Variants in SPATA13 observed in about 807,000 individuals in gnomAD.
SPATA13 encodes the protein spermatogenesis associated 13.
In SPATA13, 50 loss-of-function variants were observed where a neutral mutation model predicts 104.0. The ratio of observed to expected loss-of-function variants is 0.48; its 90% confidence interval spans 0.38 to 0.61. SPATA13 has a LOEUF of 0.61. SPATA13 is among the 20% of genes least tolerant of loss of function. SPATA13 has a pLI of 0.00. For synonymous variants in SPATA13, 606 were observed against 667.5 expected, an observed-to-expected ratio of 0.91 and a Z score of 1.42; for missense variants, 1,524 against 1,690.6, an observed-to-expected ratio of 0.90 and a Z score of 1.73.
chr13:23,987,835 C>G (rs1176706225), intron 2 of SPATA13, among the ~76,000 whole-genome samples: 1 of 152,178 alleles, frequency 6.6e-6, no homozygotes, highest in East Asian at 1.9e-4. Context: ...CTCTAGGTAC[C>G]TCTTACAAGC....
intron 3 of SPATA13, among the ~76,000 whole-genome samples, chr13:24,025,931 A>G (rs1302784907): frequency 1.3e-5 from 2 of 151,896 alleles, no homozygotes; most frequent in African/African-American, 4.8e-5. Flanking sequence ...CAGCCTCCTG[A>G]GTAGCTGGGA....
At chr13:24,019,326 G>A (rs1876869833) in intron 3 of SPATA13, among the ~76,000 whole-genome samples, 1 of 151,954 alleles carries the variant, frequency 6.6e-6, no homozygotes, top group African/African-American at 2.4e-5. Flanking sequence ...CTGACCTCGT[G>A]ATCCGCCCGC....
At position 24,140,729 on chromosome 13, in the gene SPATA13, T is replaced by G. The variant is rs1033851; in HGVS notation, c.-111-82090T>G. Among the ~76,000 whole-genome samples the G allele has an allele frequency of 5.9e-5, 9 of 152,154 alleles. No individual in the cohort carries two copies. The East Asian group carries it at 1.4e-3, about 23-fold the overall frequency. On this transcript the variant is annotated intron_variant, in intron 3 of 14. Coordinates refer to the SPATA13 transcript ENST00000424834. ...GTCAAAGAGCCAAGAATGTTAGTAT[T>G]ATATAATGAAGTGAACCCATGAATT...
intron 1 of SPATA13, among the ~76,000 whole-genome samples, chr13:24,208,149 A>C (rs1205268392): frequency 6.6e-6 from 1 of 152,156 alleles, no homozygotes; most frequent in African/African-American, 2.4e-5. Context: ...GGCTGGAGGA[A>C]GGTAATTAGT....
At chr13:24,291,740 A>ATT (rs111558434) in intron 9 of SPATA13, among the ~76,000 whole-genome samples, 108,098 of 138,802 alleles carry the variant, frequency 0.78, 40,219 homozygotes, top group East Asian at 0.91. Flanking sequence ...CTCTGTCTTT[A>ATT]TTTTTTTATT....
intron 4 of SPATA13, among the ~76,000 whole-genome samples, chr13:24,255,510 C>T (rs1258685174): frequency 6.6e-6 from 1 of 152,128 alleles, no homozygotes; most frequent in East Asian, 1.9e-4. Context: ...ATTCAGATGA[C>T]CAAGCTGGCC....
chr13:24,197,505 A>G (rs1870130511), intron 1 of SPATA13, among the ~76,000 whole-genome samples: 3 of 152,220 alleles, frequency 2.0e-5, no homozygotes, highest in Admixed American at 6.5e-5. Flanking sequence ...GCTAAATTAG[A>G]CAACACTGGT....
In SPATA13 at chr13:24,297,440, CCAG is replaced by C. The variant is rs764215286; in HGVS notation, c.3293_3295del (p.Gln1098del). The C allele has an allele frequency of 9.9e-6, 16 of 1,614,054 alleles. No individual in the cohort carries two copies. The highest frequency in any genetic ancestry group is 1.4e-5 in the Non-Finnish European group (16 of 1,180,044). ...CCAAAATCACTAAGCAAGGCAAAAGCCAGCAGCGGACGTTCTTCCTGTTTGACC... is the reference window on the plus strand; with the variant it reads ...CCAAAATCACTAAGCAAGGCAAAAGCCAGCGGACGTTCTTCCTGTTTGACC... On this transcript the variant is annotated inframe_deletion, in exon 11 of 13. Transcript: ENST00000382108.
At chr13:24,024,510 G>A (rs559566817) in intron 3 of SPATA13, among the ~76,000 whole-genome samples, 11 of 152,162 alleles carry the variant, frequency 7.2e-5, no homozygotes, top group African/African-American at 2.2e-4. Context: ...TATCTGGAGT[G>A]TTAGAAACCC....
chr13:24,057,339 G>A (rs1423069377), intron 3 of SPATA13, among the ~76,000 whole-genome samples: 2 of 151,536 alleles, frequency 1.3e-5, no homozygotes, highest in Admixed American at 1.3e-4. Flanking sequence ...TGCAGCTGTC[G>A]GTCCTCTTGA....
chr13:24,219,184 C>G (rs940666645), intron 1 of SPATA13, among the ~76,000 whole-genome samples: 1 of 152,214 alleles, frequency 6.6e-6, no homozygotes, highest in African/African-American at 2.4e-5. Flanking sequence ...AATTGCAACC[C>G]TTGGTTAGTT....
At chr13:24,050,197 G>A (rs1368550414) in intron 3 of SPATA13, among the ~76,000 whole-genome samples, 1 of 152,180 alleles carries the variant, frequency 6.6e-6, no homozygotes, top group Admixed American at 6.5e-5. Context: ...ACCATCTGGG[G>A]AAGTCACAGT....
chr13:24,131,520 G>T (rs763303668), intron 3 of SPATA13, among the ~76,000 whole-genome samples: 2 of 152,158 alleles, frequency 1.3e-5, no homozygotes, highest in Non-Finnish European at 2.9e-5. Context: ...AGGATTTTGT[G>T]CTACTTCCAG....
At chr13:24,020,508 G>A (rs1247187981) in intron 3 of SPATA13, among the ~76,000 whole-genome samples, 3 of 152,206 alleles carry the variant, frequency 2.0e-5, no homozygotes, top group South Asian at 2.1e-4. Flanking sequence ...CTCAGAGGCC[G>A]TGAGAGGGAG....
intron 4 of SPATA13, among the ~76,000 whole-genome samples, chr13:24,252,140 G>A (rs73465846): frequency 0.011 from 1,324 of 115,606 alleles, 25 homozygotes; most frequent in African/African-American, 0.042. Flanking sequence ...CTAAAGAACC[G>A]AGACCCAGGC....
intron 3 of SPATA13, among the ~76,000 whole-genome samples, chr13:24,107,002 A>G (rs1240478758): frequency 6.6e-6 from 1 of 151,986 alleles, no homozygotes; most frequent in Non-Finnish European, 1.5e-5. Flanking sequence ...TCTGAAAACT[A>G]TATTTCTGGG....
chr13:24,161,860 C>T lies in SPATA13; in HGVS notation c.-112+928C>T, dbSNP rs1487790688. Among the ~76,000 whole-genome samples the T allele has an allele frequency of 1.3e-5, 2 of 152,206 alleles. No homozygotes were observed. Among genetic ancestry groups the T allele is most frequent in the Non-Finnish European group, 2.9e-5 (2 of 68,042 alleles). On this transcript the variant is annotated intron_variant, in intron 1 of 12. Coordinates refer to ENST00000382108, the MANE Select transcript of SPATA13 (RefSeq NM_001166271.3). The surrounding 1 kb of genome is among the most constrained non-coding windows in gnomAD (Gnocchi z 4.5). ...CTCCCCCTGCCAGCATTTTCTCTGT[C>T]CCCACCTTCGGTTTTTGCTGCCTCG...
In SPATA13 at chr13:24,187,584, C is replaced by T. The variant is rs559222943; in HGVS notation, c.-112+26652C>T. ...TTGTTACAATAGCATGTGCGTACAT[C>T]TTGTCTGTTACTTTTTGATAATTCT... is the stretch of plus-strand genomic sequence containing the variant. On this transcript the variant is annotated intron_variant, in intron 1 of 12. Coordinates refer to ENST00000382108, the MANE Select transcript of SPATA13 (RefSeq NM_001166271.3). 2.0e-5 allele frequency among the ~76,000 whole-genome samples: 3 copies of T among 152,256 alleles called. No individual in the cohort carries two copies. The East Asian group carries it at 5.8e-4, about 29-fold the overall frequency.
intron 3 of SPATA13, among the ~76,000 whole-genome samples, chr13:24,107,303 A>G (rs1442696762): frequency 1.4e-5 from 2 of 141,400 alleles, no homozygotes; most frequent in African/African-American, 5.1e-5. Context: ...TTATGTGGCC[A>G]TGGCAGTGAA....
Sources: gnomAD v4.1 joint callset for allele counts (sites outside exome capture counted in the v4.1 genomes callset) on GRCh38, gnomAD v4.1.1 for gene constraint, Gnocchi (gnomAD v3.1) non-coding constraint, MANE v1.5 for transcripts, NCBI Gene and HGNC (gene_info 2026-07-23, HGNC 2026-07-21) for gene names.